The following AFG1L variants were observed in gnomAD, a reference collection of about 807,000 sequenced individuals.
The protein encoded by AFG1L is AFG1 like ATPase, also known as AFG1-like ATPase.
A neutral mutation model predicts 62.2 loss-of-function variants in AFG1L; 53 were observed. The ratio of observed to expected loss-of-function variants is 0.85; its 90% confidence interval spans 0.68 to 1.07. The LOEUF (loss-of-function observed/expected upper bound fraction) is 1.07. AFG1L is among the 50% of genes least tolerant of loss of function. The pLI, the probability that AFG1L is intolerant of heterozygous loss-of-function variation, is 0.00. For synonymous variants in AFG1L, 228 were observed against 210.3 expected (o/e 1.08, Z -0.73); for missense variants, 555 against 590.5 (o/e 0.94, Z 0.62).
chr6:108,437,188 G>C (rs1462535039), intron 7 of AFG1L, among the ~76,000 whole-genome samples: 1 of 152,032 alleles, frequency 6.6e-6, no homozygotes, highest in African/African-American at 2.4e-5. Flanking sequence ...GAATTCTGGG[G>C]GGACACAAAT....
intron 8 of AFG1L, among the ~76,000 whole-genome samples, chr6:108,455,002 CT>C: frequency 6.6e-6 from 1 of 152,274 alleles, no homozygotes; most frequent in African/African-American, 2.4e-5. Context: ...AAGAAACTGT[CT>C]ACTTTCTTGA....
At chr6:108,405,310 A>AT (rs907821634) in intron 7 of AFG1L, among the ~76,000 whole-genome samples, 7 of 152,082 alleles carry the variant, frequency 4.6e-5, no homozygotes, top group Non-Finnish European at 8.8e-5. Context: ...TTTTAACCAA[A>AT]TTTTTTATTG....
At position 108,397,500 on chromosome 6, in the gene AFG1L, G is replaced by A. The variant is rs145007489; in HGVS notation, c.749-4496G>A. 4.1e-4 allele frequency among the ~76,000 whole-genome samples: 62 copies of A among 151,878 alleles called. 3 individuals carry two copies. In the East Asian group the frequency reaches 0.01, roughly 26 times the overall value. Reference sequence around the variant, plus strand: ...TCAAACTCTTGACCTCAAGTGATCCGCCCACCTCGGCCTCCCAAAGTGCTG... The same window carrying A: ...TCAAACTCTTGACCTCAAGTGATCCACCCACCTCGGCCTCCCAAAGTGCTG... On this transcript the variant is annotated intron_variant, in intron 6 of 12. Coordinates refer to ENST00000368977, the MANE Select transcript of AFG1L (RefSeq NM_145315.5).
intron 1 of AFG1L, among the ~76,000 whole-genome samples, chr6:108,309,008 A>G (rs1317717561): frequency 6.6e-6 from 1 of 152,180 alleles, no homozygotes; most frequent in Non-Finnish European, 1.5e-5. Context: ...CGCCTGGCCA[A>G]GAAGTTCTAA....
chr6:108,477,053 T>A, intron 9 of AFG1L, 118 bp downstream of exon 9: 1 of 1,032,116 alleles, frequency 9.7e-7, no homozygotes, highest in South Asian at 1.4e-5. Flanking sequence ...CAAGTGGCAG[T>A]CATTGTATCA....
At chr6:108,328,433 T>A (rs1778142402) in intron 2 of AFG1L, among the ~76,000 whole-genome samples, 1 of 152,152 alleles carries the variant, frequency 6.6e-6, no homozygotes, top group Non-Finnish European at 1.5e-5. Context: ...TCTCACTCTA[T>A]TGCCTAGCTG....
chr6:108,500,251 C>T (rs980609102), intron 10 of AFG1L, among the ~76,000 whole-genome samples: 11 of 151,116 alleles, frequency 7.3e-5, no homozygotes, highest in African/African-American at 2.4e-4. Flanking sequence ...CTGCCTGCCT[C>T]GGCCTCCCAA....
intron 1 of AFG1L, 25 bp from the exon 2 acceptor site, chr6:108,323,800 T>C (rs1777915006): frequency 6.4e-7 from 1 of 1,569,884 alleles, no homozygotes; most frequent in South Asian, 1.1e-5. Context: ...TAAGAAAGTC[T>C]AAAATTTTAT....
At chr6:108,349,923 A>G (rs1356239626) in intron 3 of AFG1L, among the ~76,000 whole-genome samples, 1 of 151,596 alleles carries the variant, frequency 6.6e-6, no homozygotes, top group Non-Finnish European at 1.5e-5. Context: ...TCTTAAAAAT[A>G]AATAAATAAG....
intron 7 of AFG1L, among the ~76,000 whole-genome samples, chr6:108,434,371 C>T (rs78434856): frequency 0.022 from 3,313 of 152,278 alleles, 116 homozygotes; most frequent in African/African-American, 0.076. Flanking sequence ...TCCTCTCCCC[C>T]ACTTGCTCTT....
chr6:108,515,728 G>C (rs981035548), intron 11 of AFG1L, among the ~76,000 whole-genome samples: 9 of 152,088 alleles, frequency 5.9e-5, no homozygotes, highest in African/African-American at 2.2e-4. Context: ...TTTTTGAAAA[G>C]ATCACCAAAA....
At chr6:108,510,073 T>C (rs1017579542) in intron 10 of AFG1L, 139 bp from the exon 11 acceptor site, 9 of 599,154 alleles carry the variant, frequency 1.5e-5, no homozygotes, top group Non-Finnish European at 2.6e-5. Context: ...CAACTGCCTA[T>C]GGGTAACTTG....
chr6:108,506,873 T>C (rs372291572), intron 10 of AFG1L, among the ~76,000 whole-genome samples: 6 of 152,250 alleles, frequency 3.9e-5, no homozygotes, highest in African/African-American at 1.4e-4. Context: ...CTGAATTGTT[T>C]TTCTTGTTTA....
At chr6:108,356,925 C>A in intron 5 of AFG1L, 105 bp downstream of exon 5, 1 of 987,614 alleles carries the variant, frequency 1.0e-6, no homozygotes, top group Non-Finnish European at 1.5e-6. Context: ...TGATTTGACA[C>A]ATTATCTCTT....
intron 7 of AFG1L, among the ~76,000 whole-genome samples, chr6:108,429,206 C>G (rs1770957756): frequency 6.6e-6 from 1 of 152,244 alleles, no homozygotes; most frequent in Middle Eastern, 3.4e-3. Flanking sequence ...GTGTATTAGT[C>G]TGTTCTCATG....
intron 1 of AFG1L, among the ~76,000 whole-genome samples, chr6:108,314,848 C>G (rs1777532621): frequency 6.8e-6 from 1 of 147,094 alleles, no homozygotes; most frequent in South Asian, 2.1e-4. Context: ...AGTGCTTGTA[C>G]TTTTTTTTTT....
chr6:108,321,132 G>A (rs571385416), intron 1 of AFG1L, among the ~76,000 whole-genome samples: 1 of 152,262 alleles, frequency 6.6e-6, no homozygotes, highest in South Asian at 2.1e-4. Flanking sequence ...CACTTCACAT[G>A]CCAGCTGCAA....
chr6:108,385,205 C>A (rs1186629865), intron 6 of AFG1L, among the ~76,000 whole-genome samples: 1 of 152,190 alleles, frequency 6.6e-6, no homozygotes, highest in East Asian at 1.9e-4. Flanking sequence ...TGGGAACAGG[C>A]CCCCAAAATC....
At position 108,525,327 on chromosome 6, in the gene AFG1L, C is replaced by T. The variant is rs1300531252; in HGVS notation, c.*2902C>T. ...ATATCACTAATCCTGAGATGAAAAACAGGATGGACTTAAGTAATTTTTAAC... is the reference window on the plus strand; with the variant it reads ...ATATCACTAATCCTGAGATGAAAAATAGGATGGACTTAAGTAATTTTTAAC... On this transcript the variant is annotated 3_prime_UTR_variant, in exon 13 of 13. Coordinates refer to ENST00000368977, the MANE Select transcript of AFG1L (RefSeq NM_145315.5). 6.6e-6 allele frequency: 1 copy of T among 152,140 alleles called. No homozygotes were observed. 9.4% of individuals were successfully genotyped at this position (152,140 alleles called of 1,614,324 possible). A position where few individuals can be genotyped will look rare whatever the true frequency, so the allele number is the denominator to read the frequency against.
Sources: gnomAD v4.1 joint callset for allele counts (sites outside exome capture counted in the v4.1 genomes callset) on GRCh38, gnomAD v4.1.1 for gene constraint, MANE v1.5 for transcripts, NCBI Gene and HGNC (gene_info 2026-07-23, HGNC 2026-07-21) for gene names.